ERCC6: variants seen among roughly 807,000 people sequenced by gnomAD.
ERCC6 encodes ERCC excision repair 6, chromatin remodeling factor.
In ERCC6, 116 loss-of-function variants were observed where a neutral mutation model predicts 158.7. That is an observed-to-expected ratio of 0.73 (90% CI 0.63 to 0.85). ERCC6 has a LOEUF of 0.85. Ranked by LOEUF, ERCC6 falls within the 40% of genes least tolerant of loss-of-function variation. The pLI, the probability that ERCC6 is intolerant of heterozygous loss-of-function variation, is 0.00. For synonymous variants in ERCC6, 678 were observed against 659.3 expected (o/e 1.03, Z -0.43); for missense variants, 1,698 against 1,799.4 (o/e 0.94, Z 1.02).
rs1331794721 is a variant in ERCC6, at chr10:49,532,833, G to T, written c.132C>A (p.Tyr44Ter). The T allele has an allele frequency of 6.2e-7, 1 of 1,614,014 alleles. No individual in the cohort carries two copies. Among genetic ancestry groups the T allele is most frequent in the Non-Finnish European group, 8.5e-7 (1 of 1,180,036 alleles). ...ESGGDGEVEE[Y>*]LSFRSVGDGL... ...CGTCACCCACAGAACGAAAGGAGAGGTACTCCTCCACCTCCCCATCACCAC... is the reference window on the plus strand; with the variant it reads ...CGTCACCCACAGAACGAAAGGAGAGTTACTCCTCCACCTCCCCATCACCAC... Residue 44 changes from tyrosine to a stop codon, truncating the protein, a stop_gained, in exon 2 of 21, where the codon TAC (tyrosine) becomes TAA (stop). Coordinates refer to ENST00000355832, the MANE Select transcript of ERCC6 (RefSeq NM_000124.4). LOFTEE classifies it high-confidence loss of function.
intron 16 of ERCC6, among the ~76,000 whole-genome samples, chr10:49,471,342 T>A (rs1255164001): frequency 6.6e-6 from 1 of 152,146 alleles, no homozygotes; most frequent in Non-Finnish European, 1.5e-5. Flanking sequence ...TACCTTATTA[T>A]TTACACCGAA....
intron 7 of ERCC6, among the ~76,000 whole-genome samples, chr10:49,495,869 C>T (rs760447998): frequency 2.0e-5 from 3 of 152,182 alleles, no homozygotes; most frequent in South Asian, 2.1e-4. Flanking sequence ...ACTGCATCTC[C>T]GAGGATGATT....
chr10:49,442,185 T>C, the ERCC6 span, among the ~76,000 whole-genome samples: 2 of 152,228 alleles, frequency 1.3e-5, no homozygotes, highest in Non-Finnish European at 2.9e-5. Flanking sequence ...TCCTAACTTG[T>C]ATCACTGTCC....
chr10:49,535,711 G>T (rs1837580342), intron 1 of ERCC6, among the ~76,000 whole-genome samples: 1 of 152,148 alleles, frequency 6.6e-6, no homozygotes, highest in Non-Finnish European at 1.5e-5. Flanking sequence ...GTAAAGACAA[G>T]GTTAAAAATA....
chr10:49,530,156 A>G (rs975628229), intron 3 of ERCC6, among the ~76,000 whole-genome samples: 6 of 152,168 alleles, frequency 3.9e-5, no homozygotes, highest in Non-Finnish European at 7.3e-5. Flanking sequence ...TGTGACCCTA[A>G]GCCAGGCCAA....
At position 49,458,242 on chromosome 10, in the gene ERCC6, C is replaced by T. The variant is rs1271853726; in HGVS notation, c.*573G>A. 6.5e-6 allele frequency: 1 copy of T among 154,736 alleles called. No individual in the cohort carries two copies. Among genetic ancestry groups the T allele is most frequent in the Non-Finnish European group, 1.4e-5 (1 of 69,748 alleles). The allele number at this position is 154,736 out of a possible 1,614,324, so 9.6% of individuals were successfully genotyped here. A position where few individuals can be genotyped will look rare whatever the true frequency, so the allele number is the denominator to read the frequency against. ...ATTTCATGCTTTACTAATAAAAATA[C>T]TCACCAATTTACCAGTACCTTGAAA... On this transcript the variant is annotated 3_prime_UTR_variant, in exon 21 of 21. Transcript: ENST00000355832.
At chr10:49,525,213 G>T in intron 4 of ERCC6, 1 of 198,998 alleles carries the variant, frequency 5.0e-6, no homozygotes, top group Non-Finnish European at 1.0e-5. Context: ...CCAAAAACAG[G>T]GATCACCATG....
chr10:49,525,639 A>G (rs763595372), intron 4 of ERCC6, among the ~76,000 whole-genome samples: 1 of 152,230 alleles, frequency 6.6e-6, no homozygotes, highest in Non-Finnish European at 1.5e-5. Flanking sequence ...TTGCAGGCCA[A>G]TGATACCCAG....
the ERCC6 span, among the ~76,000 whole-genome samples, chr10:49,438,565 A>G: frequency 6.6e-6 from 1 of 152,082 alleles, no homozygotes; most frequent in East Asian, 1.9e-4. Flanking sequence ...CAGCCAAACC[A>G]TATCATTCTG....
intron 10 of ERCC6, 79 bp downstream of exon 10, chr10:49,482,608 C>A: frequency 8.3e-7 from 1 of 1,205,448 alleles, no homozygotes; most frequent in Non-Finnish European, 1.2e-6. Flanking sequence ...TTCTGAATGA[C>A]TTGGCTACAA....
chr10:49,480,712 C>T (rs4253177), intron 10 of ERCC6, among the ~76,000 whole-genome samples: 5,007 of 152,258 alleles, frequency 0.033, 269 homozygotes, highest in African/African-American at 0.11. Flanking sequence ...TAACATCACC[C>T]ATAGTGGAAC....
rs558649285 is a variant in ERCC6, at chr10:49,454,916, T to C, written c.*3899A>G. On this transcript the variant is annotated 3_prime_UTR_variant, in exon 21 of 21. Coordinates refer to ENST00000355832, the MANE Select transcript of ERCC6 (RefSeq NM_000124.4). ...ATGTAAATTGGTAAAGGTGGCCTTA[T>C]ACATCAGGAGGAAAATAATAAACTA... Among the ~76,000 whole-genome samples the C allele has an allele frequency of 1.3e-5, 2 of 152,282 alleles. No individual in the cohort carries two copies. Among genetic ancestry groups the C allele is most frequent in the East Asian group, 3.9e-4 (2 of 5,184 alleles).
At position 49,473,971 on chromosome 10, in the gene ERCC6, G is replaced by C. The variant is rs767510414; in HGVS notation, c.2598+56C>G. ...CTTTAGATTGAATCCCATTTTGTGA[G>C]TTGATGGCTGTCATAAAGAACCAGC... is the stretch of plus-strand genomic sequence containing the variant. On this transcript the variant is annotated intron_variant, in intron 13 of 20. Transcript: ENST00000355832. 4.7e-5 allele frequency: 70 copies of C among 1,477,750 alleles called. 1 individual carries two copies. The Admixed American group carries it at 1.1e-3, about 24-fold the overall frequency. The allele number at this position is 1,477,750 out of a possible 1,614,324, so 91.5% of individuals were successfully genotyped here.
chr10:49,490,465 C>T (rs1590425663), intron 8 of ERCC6, among the ~76,000 whole-genome samples: 1 of 151,942 alleles, frequency 6.6e-6, no homozygotes, highest in Admixed American at 6.6e-5. Context: ...AGAGATTCTC[C>T]TGCCTCAGCC....
chr10:49,534,496 T>A (rs779102527), intron 1 of ERCC6, among the ~76,000 whole-genome samples: 1 of 152,124 alleles, frequency 6.6e-6, no homozygotes, highest in Admixed American at 6.5e-5. Context: ...AGTGAAAAAA[T>A]TCATGGTATG....
intron 5 of ERCC6, among the ~76,000 whole-genome samples, chr10:49,513,785 AT>A (rs573179964): frequency 2.0e-5 from 3 of 152,144 alleles, no homozygotes; most frequent in Non-Finnish European, 4.4e-5. Flanking sequence ...GGGGACTACA[AT>A]TCAAGATGAG....
At chr10:49,500,874 C>A in intron 6 of ERCC6, 178 bp from the exon 7 acceptor site, 1 of 658,212 alleles carries the variant, frequency 1.5e-6, no homozygotes. Flanking sequence ...TTTTTGATCA[C>A]CTAGGCATAA....
chr10:49,536,348 G>A (rs1396401994), intron 1 of ERCC6, among the ~76,000 whole-genome samples: 1 of 152,132 alleles, frequency 6.6e-6, no homozygotes, highest in Non-Finnish European at 1.5e-5. Flanking sequence ...GTAATGGCTG[G>A]AGGGAGACAG....
intron 18 of ERCC6, among the ~76,000 whole-genome samples, chr10:49,463,128 T>C (rs952877862): frequency 2.6e-5 from 4 of 152,194 alleles, no homozygotes; most frequent in African/African-American, 7.2e-5. Flanking sequence ...TTTGGAATAA[T>C]TGCATATACC....
Sources: gnomAD v4.1 joint callset for allele counts (sites outside exome capture counted in the v4.1 genomes callset) on GRCh38, gnomAD v4.1.1 for gene constraint, MANE v1.5 for transcripts, NCBI Gene and HGNC (gene_info 2026-07-23, HGNC 2026-07-21) for gene names.